Variants in ATXN2 observed in about 807,000 individuals in gnomAD.
ATXN2 encodes the protein ataxin 2.
A neutral mutation model predicts 138.6 loss-of-function variants in ATXN2; 37 were observed. That is an observed-to-expected ratio of 0.27 (90% CI 0.21 to 0.35). The LOEUF is 0.35. ATXN2 is among the 10% of genes least tolerant of loss of function. The probability of loss-of-function intolerance (pLI) is 1.00; values close to 1 mark genes in which losing one functional copy is unlikely to be tolerated. For missense variants in ATXN2, 1,216 were observed against 1,480.3 expected (o/e 0.82, Z 2.93); for synonymous variants, 549 against 543.7 (o/e 1.01, Z -0.13).
intron 20 of ATXN2, 47 bp downstream of exon 20, chr12:111,470,061 T>C: frequency 3.2e-6 from 5 of 1,550,942 alleles, no homozygotes; most frequent in Non-Finnish European, 4.4e-6. Context: ...AAACTTAAAT[T>C]AAGAAGAGTC....
chr12:111,509,652 TA>T, intron 13 of ATXN2, 33 bp from the exon 14 acceptor site: 5 of 1,307,236 alleles, frequency 3.8e-6, no homozygotes, highest in Non-Finnish European at 5.3e-6. Context: ...GACACAGGTT[TA>T]TTTTTAAACT....
chr12:111,592,969 A>G (rs1319760003), intron 1 of ATXN2, among the ~76,000 whole-genome samples: 1 of 151,974 alleles, frequency 6.6e-6, no homozygotes. Context: ...TCTAGAGAAC[A>G]ATCTTCTAAA....
chr12:111,543,354 CT>C, intron 5 of ATXN2, among the ~76,000 whole-genome samples: 1 of 152,172 alleles, frequency 6.6e-6, no homozygotes, highest in East Asian at 1.9e-4. Flanking sequence ...ATAAAACAAT[CT>C]GTAGAATTTT....
At chr12:111,525,749 A>G (rs1880456829) in intron 5 of ATXN2, among the ~76,000 whole-genome samples, 1 of 148,932 alleles carries the variant, frequency 6.7e-6, no homozygotes, top group Non-Finnish European at 1.5e-5. Flanking sequence ...CAGTGGCGTG[A>G]TCTCGGCTCA....
At chr12:111,554,579 T>G (rs1413561176) in intron 2 of ATXN2, among the ~76,000 whole-genome samples, 1 of 152,118 alleles carries the variant, frequency 6.6e-6, no homozygotes, top group Non-Finnish European at 1.5e-5. Flanking sequence ...GTGTTATCAG[T>G]CAAACCAACT....
chr12:111,569,708 C>T (rs1260136990), intron 1 of ATXN2, among the ~76,000 whole-genome samples: 1 of 151,978 alleles, frequency 6.6e-6, no homozygotes, highest in African/African-American at 2.4e-5. Flanking sequence ...AGAGCGAGAC[C>T]CTGTCTTAAA....
In ATXN2 at chr12:111,554,198, T is replaced by C; in HGVS notation, c.308A>G (p.Tyr103Cys). 3 of 1,460,166 alleles carry C rather than the reference T, an allele frequency of 2.1e-6. No homozygotes were observed. The highest frequency in any genetic ancestry group is 2.7e-6 in the Non-Finnish European group (3 of 1,095,618). The allele number at this position is 1,460,166 out of a possible 1,614,324, so 90.5% of individuals were successfully genotyped here. ...PQSTISFDGIYANMRMVHILT... is the reference protein window; with the variant it reads ...PQSTISFDGICANMRMVHILT... ...TATATGAACCATCCTCATATTTGCA[T>C]AGATTCCATCAAAAGAAATCTGGAA... The change falls in exon 3 of 25, where the codon TAT (tyrosine) becomes TGT (cysteine). Residue 103 changes from tyrosine to cysteine, a missense_variant. Coordinates refer to ENST00000673436, the MANE Select transcript of ATXN2 (RefSeq NM_001372574.1).
chr12:111,489,615 A>G (rs1483797768), intron 14 of ATXN2, among the ~76,000 whole-genome samples: 1 of 151,092 alleles, frequency 6.6e-6, no homozygotes, highest in African/African-American at 2.4e-5. Flanking sequence ...CCGTCTCAAA[A>G]AAAAAAAAAA....
In ATXN2 at chr12:111,578,623, A is replaced by T. The variant is rs189776676; in HGVS notation, c.251+20161T>A. Among the ~76,000 whole-genome samples, 41 of 152,304 alleles carry T rather than the reference A, an allele frequency of 2.7e-4. No individual in the cohort carries two copies. The East Asian group carries it at 6.6e-3, about 24-fold the overall frequency. On this transcript the variant is annotated intron_variant, in intron 1 of 24. Transcript: ENST00000673436. Reference sequence around the variant, plus strand: ...GATAAGATCACCGAAAAAATTTCTCAAAACACATCCCCATCATTAAGCAAT... The same window carrying T: ...GATAAGATCACCGAAAAAATTTCTCTAAACACATCCCCATCATTAAGCAAT...
intron 23 of ATXN2, chr12:111,454,798 G>A (rs1366568639): frequency 1.2e-5 from 6 of 489,344 alleles, no homozygotes; most frequent in East Asian, 3.6e-5. Context: ...AACAGAGTGA[G>A]GTTTTAGGGA....
At chr12:111,523,595 G>T (rs1006714822) in intron 6 of ATXN2, among the ~76,000 whole-genome samples, 2 of 151,938 alleles carry the variant, frequency 1.3e-5, no homozygotes, top group Non-Finnish European at 1.5e-5. Context: ...GTGTGGTGGC[G>T]CACGCCTATA....
intron 3 of ATXN2, among the ~76,000 whole-genome samples, chr12:111,553,478 C>T (rs561211779): frequency 3.2e-3 from 416 of 131,496 alleles, no homozygotes; most frequent in South Asian, 0.012. Context: ...AATGTAAATG[C>T]TATGTAAATT....
At chr12:111,483,595 G>C (rs1321757965) in intron 18 of ATXN2, among the ~76,000 whole-genome samples, 2 of 151,424 alleles carry the variant, frequency 1.3e-5, no homozygotes, top group African/African-American at 4.9e-5. Flanking sequence ...GACCTCAAGT[G>C]ATCTGCCCAC....
intron 11 of ATXN2, chr12:111,512,413 G>C (rs1233128002): frequency 6.6e-6 from 1 of 151,316 alleles, no homozygotes; most frequent in Non-Finnish European, 1.5e-5. Flanking sequence ...AAAGCAGTCA[G>C]CCTTATTGTA....
At chr12:111,465,888 C>T (rs373465577) in intron 20 of ATXN2, among the ~76,000 whole-genome samples, 154 of 150,596 alleles carry the variant, frequency 1.0e-3, no homozygotes, top group African/African-American at 3.7e-3. Context: ...TCAAAGAGGC[C>T]GGGGCAGTGG....
At chr12:111,588,328 G>A (rs1322967158) in intron 1 of ATXN2, among the ~76,000 whole-genome samples, 1 of 152,098 alleles carries the variant, frequency 6.6e-6, no homozygotes, top group Non-Finnish European at 1.5e-5. Flanking sequence ...ATTTTCACAT[G>A]AATGCAAACA....
intron 23 of ATXN2, chr12:111,455,318 G>A (rs1874994177): frequency 3.7e-6 from 2 of 547,278 alleles, no homozygotes; most frequent in South Asian, 4.2e-5. Flanking sequence ...GGGCCCTGGA[G>A]TGCAGGGACC....
At chr12:111,525,538 G>T (rs1880437995) in intron 5 of ATXN2, among the ~76,000 whole-genome samples, 1 of 152,184 alleles carries the variant, frequency 6.6e-6, no homozygotes, top group South Asian at 2.1e-4. Context: ...TAAAACTTAT[G>T]TATGTGAAGA....
chr12:111,455,096 C>A (rs972862653), intron 23 of ATXN2: 12 of 702,908 alleles, frequency 1.7e-5, no homozygotes, highest in Non-Finnish European at 3.1e-5. Flanking sequence ...CTAGCCCACA[C>A]CTTGCCAGAG....
Sources: allele counts gnomAD v4.1 joint callset (sites outside exome capture counted in the v4.1 genomes callset), GRCh38; gene constraint gnomAD v4.1.1; transcripts MANE v1.5; gene names NCBI Gene and HGNC (gene_info 2026-07-23, HGNC 2026-07-21).